The following TBC1D8 variants were observed in gnomAD, a reference collection of about 807,000 sequenced individuals.
TBC1D8 encodes the protein TBC1 domain family member 8.
In TBC1D8, 65 loss-of-function variants were observed where a neutral mutation model predicts 118.8. That is an observed-to-expected ratio of 0.55 (90% CI 0.45 to 0.67). The LOEUF (loss-of-function observed/expected upper bound fraction) is 0.67. TBC1D8 is among the 30% of genes least tolerant of loss of function. The pLI is 0.00. For missense variants in TBC1D8, 1,376 were observed against 1,471.2 expected, an observed-to-expected ratio of 0.94 and a Z score of 1.06; for synonymous variants, 566 against 595.8, an observed-to-expected ratio of 0.95 and a Z score of 0.73.
chr2:101,027,440 A>G lies in TBC1D8; in HGVS notation c.2463T>C (p.Val821=). The G allele has an allele frequency of 1.9e-6, 3 of 1,612,982 alleles. No individual in the cohort carries two copies. The highest frequency in any genetic ancestry group is 2.5e-6 in the Non-Finnish European group (3 of 1,179,162). The change falls in exon 15 of 20, where the codon GTT becomes GTC. Residue 821 remains valine, a synonymous_variant. Transcript: ENST00000409318. ...DTTKQNVLRV[V]IPEVSILPED... ...CAGGAAGAATTGAGACTTCCGGGAT[A>G]ACGACTCGAAGCTTGAGGAAAGAAT... is the stretch of plus-strand genomic sequence containing the variant.
chr2:101,149,981 C>T (rs1384840052), intron 1 of TBC1D8, among the ~76,000 whole-genome samples: 1 of 152,232 alleles, frequency 6.6e-6, no homozygotes, highest in Non-Finnish European at 1.5e-5. Flanking sequence ...CAGCTGCCTA[C>T]AGCTCCCTCC....
chr2:101,044,261 C>G (rs1681561202), intron 5 of TBC1D8, among the ~76,000 whole-genome samples: 1 of 152,194 alleles, frequency 6.6e-6, no homozygotes, highest in African/African-American at 2.4e-5. Flanking sequence ...TCCAATTTCA[C>G]CATTCGTTAA....
intron 2 of TBC1D8, among the ~76,000 whole-genome samples, chr2:101,087,017 C>T (rs1194882374): frequency 1.3e-5 from 2 of 152,074 alleles, no homozygotes; most frequent in Non-Finnish European, 2.9e-5. Context: ...CTCCTGACCT[C>T]AGGTGATCCG....
chr2:101,137,625 A>T (rs1479673465), intron 1 of TBC1D8, among the ~76,000 whole-genome samples: 2 of 152,168 alleles, frequency 1.3e-5, no homozygotes, highest in Non-Finnish European at 2.9e-5. Flanking sequence ...CTGGAAATAG[A>T]TATTTTTTGA....
intron 11 of TBC1D8, 24 bp from the exon 12 acceptor site, chr2:101,029,800 T>C: frequency 6.2e-7 from 1 of 1,607,448 alleles, no homozygotes; most frequent in Non-Finnish European, 8.5e-7. Flanking sequence ...GGCACAGGGC[T>C]CTGGCTGGGG....
chr2:101,029,419 C>G (rs1225022704), intron 12 of TBC1D8, 72 bp downstream of exon 12: 95 of 1,511,610 alleles, frequency 6.3e-5, no homozygotes, highest in South Asian at 1.7e-4. Flanking sequence ...ACTTCCCCAC[C>G]GATAGCCCTG....
chr2:101,127,828 C>G (rs533490733), intron 1 of TBC1D8, among the ~76,000 whole-genome samples: 1 of 152,170 alleles, frequency 6.6e-6, no homozygotes, highest in South Asian at 2.1e-4. Context: ...GAGTCCTGCT[C>G]GGAGCTCTTC....
intron 1 of TBC1D8, among the ~76,000 whole-genome samples, chr2:101,093,170 T>G (rs542038507): frequency 7.2e-5 from 11 of 152,190 alleles, no homozygotes; most frequent in Admixed American, 3.3e-4. Context: ...ATAATACACA[T>G]AGCACACAAA....
At position 101,007,870 on chromosome 2, in the gene TBC1D8, A is replaced by AAAG. The variant is rs150740812; in HGVS notation, c.3416_3418dup (p.Thr1139_Phe1140insSer). ...AGATTGTGATTGGTGGCTCATTTCA[A>AAAG]AAGTTTTGAGATTGTACTGATTGAT... On this transcript the variant is annotated inframe_insertion, in exon 20 of 20. Transcript: ENST00000409318. 16,435 of 1,613,864 alleles carry AAAG rather than the reference A, an allele frequency of 0.01. 1,370 individuals carry two copies. In the African/African-American group the frequency reaches 0.19, roughly 19 times the overall value.
intron 16 of TBC1D8, 77 bp from the exon 17 acceptor site, chr2:101,021,823 A>G: frequency 1.1e-6 from 1 of 950,802 alleles, no homozygotes; most frequent in African/African-American, 1.6e-5. Flanking sequence ...CACTGTGGAG[A>G]GAACACTGGG....
At chr2:101,108,750 T>A (rs1200566994) in intron 1 of TBC1D8, among the ~76,000 whole-genome samples, 3 of 117,086 alleles carry the variant, frequency 2.6e-5, no homozygotes, top group Admixed American at 1.1e-4. Context: ...TCCAGGATAA[T>A]CTCCCTATTT....
intron 19 of TBC1D8, among the ~76,000 whole-genome samples, chr2:101,009,066 A>T (rs2105355671): frequency 1.3e-5 from 2 of 152,248 alleles, no homozygotes; most frequent in South Asian, 4.1e-4. Context: ...CTTCAGGTGG[A>T]ATCTAGCTAC....
chr2:101,139,264 G>C (rs1289376599), intron 1 of TBC1D8, among the ~76,000 whole-genome samples: 3 of 151,724 alleles, frequency 2.0e-5, no homozygotes, highest in African/African-American at 7.3e-5. Context: ...TGTGGATCCA[G>C]CATTCAACAG....
At chr2:101,075,846 T>C (rs1674779723) in intron 2 of TBC1D8, among the ~76,000 whole-genome samples, 2 of 152,158 alleles carry the variant, frequency 1.3e-5, no homozygotes, top group Non-Finnish European at 2.9e-5. Context: ...ACCAAAAAAA[T>C]CCTGCAATTA....
chr2:101,028,543 G>A lies in TBC1D8; in HGVS notation c.2223-111C>T, dbSNP rs937959945. On this transcript the variant is annotated intron_variant, in intron 12 of 19. Coordinates refer to ENST00000409318, the MANE Select transcript of TBC1D8 (RefSeq NM_001330348.2). ...GGGCACTTCCAAACACCAACACCTGGGAGGAGGGCAAGGCTGCAGCTGCTC... is the reference window on the plus strand; with the variant it reads ...GGGCACTTCCAAACACCAACACCTGAGAGGAGGGCAAGGCTGCAGCTGCTC... 4.9e-6 allele frequency: 7 copies of A among 1,424,006 alleles called. No individual in the cohort carries two copies. The South Asian group carries it at 1.1e-4, about 22-fold the overall frequency. The allele number at this position is 1,424,006 out of a possible 1,614,324, so 88.2% of individuals were successfully genotyped here.
intron 1 of TBC1D8, among the ~76,000 whole-genome samples, chr2:101,111,275 G>A (rs185518933): frequency 1.3e-5 from 2 of 152,272 alleles, no homozygotes; most frequent in Admixed American, 1.3e-4. Context: ...AGAGATGACT[G>A]CTATTTTTCA....
At chr2:101,039,366 C>A (rs999693559) in intron 6 of TBC1D8, among the ~76,000 whole-genome samples, 2 of 152,180 alleles carry the variant, frequency 1.3e-5, no homozygotes, top group Non-Finnish European at 2.9e-5. Context: ...AAGGAGTAAT[C>A]CCAGCATTGT....
rs1339520298 is a variant in TBC1D8 at position 101,090,245 on chromosome 2, G to T, written c.247C>A (p.Leu83Met). ...VYSPIACGELLNGSDVYWAIA... is the reference protein window; with the variant it reads ...VYSPIACGELMNGSDVYWAIA... Reference sequence around the variant, plus strand: ...GCCCAGTAAACGTCTGATCCATTCAGTAACTCACCACATGCTATGGGAGAA... The same window carrying T: ...GCCCAGTAAACGTCTGATCCATTCATTAACTCACCACATGCTATGGGAGAA... Residue 83 changes from leucine (L) to methionine (M), a missense_variant, in exon 2 of 20, where the codon CTG (leucine) becomes ATG (methionine). By Grantham distance (15) the Leu-to-Met change is conservative (BLOSUM62 2). Transcript: ENST00000409318. The T allele has an allele frequency of 6.2e-7, 1 of 1,613,988 alleles. No individual in the cohort carries two copies. Among genetic ancestry groups the T allele is most frequent in the Non-Finnish European group, 8.5e-7 (1 of 1,179,886 alleles).
At chr2:101,016,588 G>A (rs1679654136) in intron 17 of TBC1D8, among the ~76,000 whole-genome samples, 1 of 152,062 alleles carries the variant, frequency 6.6e-6, no homozygotes, top group Non-Finnish European at 1.5e-5. Flanking sequence ...ACACCCAAAG[G>A]ACTATAAATC....
Sources: allele counts gnomAD v4.1 joint callset (sites outside exome capture counted in the v4.1 genomes callset), GRCh38; gene constraint gnomAD v4.1.1; transcripts MANE v1.5; gene names NCBI Gene and HGNC (gene_info 2026-07-23, HGNC 2026-07-21).